CASKIN1: variants seen among roughly 807,000 people sequenced by gnomAD.
The protein encoded by CASKIN1 is CASK interacting protein 1.
In CASKIN1, 42 loss-of-function variants were observed where a neutral mutation model predicts 117.5. The ratio of observed to expected loss-of-function variants is 0.36; its 90% confidence interval spans 0.28 to 0.46. The LOEUF (loss-of-function observed/expected upper bound fraction) is 0.46. Ranked by LOEUF, CASKIN1 falls within the 20% of genes least tolerant of loss-of-function variation. The probability of loss-of-function intolerance (pLI) is 1.00; values close to 1 mark genes in which losing one functional copy is unlikely to be tolerated. For missense variants in CASKIN1, 2,083 were observed against 2,077.3 expected (o/e 1.00, Z -0.05); for synonymous variants, 1,148 against 961.7 (o/e 1.19, Z -3.59).
At chr16:2,187,099 A>C (rs773712688) in intron 8 of CASKIN1, 27 bp from the exon 9 acceptor site, 3 of 1,612,924 alleles carry the variant, frequency 1.9e-6, no homozygotes, top group Admixed American at 3.3e-5. Flanking sequence ...GGGCCCCCGA[A>C]GTCCTGCGGG....
Position 2,181,430 on chromosome 16 carries a change from G to C in CASKIN1, c.1938C>G (p.Ser646=), listed in dbSNP as rs766509114. 4.6e-5 allele frequency: 74 copies of C among 1,612,386 alleles called. 1 individual carries two copies. Among genetic ancestry groups the C allele is most frequent in the Admixed American group, 1.5e-4 (9 of 59,988 alleles). The change falls in exon 18 of 20, where the codon TCC becomes TCG. Residue 646 remains serine (S), a synonymous_variant. Transcript: ENST00000343516. ...TGTCCTGGAAGGTGGTCATTTTAGG[G>C]GACTGGCAGTCGGCCGGTGTGGGCT... ...PPEPTPADCQ[S]PKMTTFQDSE...
chr16:2,184,768 GC>G lies in CASKIN1; in HGVS notation c.1416+8del. On this transcript the variant is annotated splice_region_variant and intron_variant, in intron 14 of 19. Coordinates refer to ENST00000343516, the MANE Select transcript of CASKIN1 (RefSeq NM_020764.4). The stretch of plus-strand genomic sequence containing the variant: ...GAGCCCACGCTGAGAACACCCCCAA[GC>G]CCTGTACCTTGCCCTCCGATGCTGG... The G allele has an allele frequency of 2.0e-6, 3 of 1,510,064 alleles. No individual in the cohort carries two copies. The highest frequency in any genetic ancestry group is 2.7e-6 in the Non-Finnish European group (3 of 1,129,798). 93.5% of individuals were successfully genotyped at this position (1,510,064 alleles called of 1,614,324 possible).
rs1250478310 is a variant in CASKIN1, at chr16:2,189,315, G to T, written c.409C>A (p.His137Asn). ...TCCACCATGCACGGGTTAGACTGGT[G>T]CTGTAGCAGCATCTCAGACTGGGGG... is the stretch of plus-strand genomic sequence containing the variant. Reference protein sequence around the residue: ...HYDVSEMLLQHQSNPCMVDNS... With the variant: ...HYDVSEMLLQNQSNPCMVDNS... Residue 137 changes from histidine (H) to asparagine (N), a missense_variant, in exon 5 of 20, where the codon CAC becomes AAC. By Grantham distance (68) the His-to-Asn change is moderately conservative (BLOSUM62 1). Coordinates refer to ENST00000343516, the MANE Select transcript of CASKIN1 (RefSeq NM_020764.4). 1 of 1,613,148 alleles carries T rather than the reference G, an allele frequency of 6.2e-7. No individual in the cohort carries two copies. Among genetic ancestry groups the T allele is most frequent in the Non-Finnish European group, 8.5e-7 (1 of 1,179,902 alleles).
In CASKIN1 at chr16:2,182,251, G is replaced by A. The variant is rs1207936568; in HGVS notation, c.1630-322C>T. ...TACAGCACCATGGGGAGACACACCC[G>A]AGTCATGGACACAGACGCATGGGGC... On this transcript the variant is annotated intron_variant, in intron 16 of 19. Coordinates refer to ENST00000343516, the MANE Select transcript of CASKIN1 (RefSeq NM_020764.4). The surrounding 1 kb of genome is among the most constrained non-coding windows in gnomAD (Gnocchi z 4.1). Among the ~76,000 whole-genome samples, 4 of 151,940 alleles carry A rather than the reference G, an allele frequency of 2.6e-5. No homozygotes were observed. Among genetic ancestry groups the A allele is most frequent in the Admixed American group, 1.3e-4 (2 of 15,264 alleles).
In CASKIN1 at chr16:2,179,846, A is replaced by G. The variant is rs1379636034; in HGVS notation, c.3522T>C (p.Thr1174=). 3.6e-5 allele frequency: 57 copies of G among 1,605,552 alleles called. No homozygotes were observed. Among genetic ancestry groups the G allele is most frequent in the Non-Finnish European group, 4.7e-5 (55 of 1,177,242 alleles). ...AGGCCGGTCGGCGGCGCACGGTGCCAGTGCCATTATGGTACACGGACAGTG... is the reference window on the plus strand; with the variant it reads ...AGGCCGGTCGGCGGCGCACGGTGCCGGTGCCATTATGGTACACGGACAGTG... ...PPPLSVYHNG[T]GTVRRRPASE... Residue 1174 remains threonine (T), a synonymous_variant, in exon 18 of 20, where the codon ACT becomes ACC. Coordinates refer to ENST00000343516, the MANE Select transcript of CASKIN1 (RefSeq NM_020764.4). The surrounding 1 kb of genome is among the most constrained non-coding windows in gnomAD (Gnocchi z 5.8).
chr16:2,180,315 C>G lies in CASKIN1; in HGVS notation c.3053G>C (p.Arg1018Pro). The G allele has an allele frequency of 1.9e-6, 3 of 1,594,034 alleles. No individual in the cohort carries two copies. The highest frequency in any genetic ancestry group is 1.3e-5 in the African/African-American group (1 of 74,788). ...GCCCTCAGGAGGCCTGCGGGCAGCCCGGCCCCCACCCCCAATGGAGGACAG... is the reference window on the plus strand; with the variant it reads ...GCCCTCAGGAGGCCTGCGGGCAGCCGGGCCCCCACCCCCAATGGAGGACAG... ...LELSSIGGGGRAARRPPEGHP... is the reference protein window; with the variant it reads ...LELSSIGGGGPAARRPPEGHP... The change falls in exon 18 of 20, where the codon CGG becomes CCG. Residue 1018 changes from arginine (R) to proline (P), a missense_variant. Coordinates refer to ENST00000343516, the MANE Select transcript of CASKIN1 (RefSeq NM_020764.4).
intron 2 of CASKIN1, 53 bp from the exon 3 acceptor site, chr16:2,190,223 C>G: frequency 6.3e-7 from 1 of 1,599,906 alleles, no homozygotes; most frequent in Non-Finnish European, 8.5e-7. Context: ...CCGGCCTTCC[C>G]GGCACCCTGC....
Position 2,184,939 on chromosome 16 carries a change from C to A in CASKIN1, c.1324+12G>T. The stretch of plus-strand genomic sequence containing the variant: ...CCTCCATCGGGCTGCGTGGCAGCAC[C>A]CTTGCTCTTACCTGCAGAGCCTTCC... On this transcript the variant is annotated intron_variant, in intron 13 of 19. Coordinates refer to ENST00000343516, the MANE Select transcript of CASKIN1 (RefSeq NM_020764.4). 2 of 1,595,474 alleles carry A rather than the reference C, an allele frequency of 1.3e-6. No individual in the cohort carries two copies. The highest frequency in any genetic ancestry group is 8.6e-7 in the Non-Finnish European group (1 of 1,167,574).
rs1596688965 is a variant in CASKIN1 at position 2,184,403 on chromosome 16, C to T, written c.1416+374G>A. Among the ~76,000 whole-genome samples, 6 of 152,260 alleles carry T rather than the reference C, an allele frequency of 3.9e-5. No homozygotes were observed. The South Asian group carries it at 1.2e-3, about 32-fold the overall frequency. ...CGTGCAGGACTCAGCCAGCAGCTTA[C>T]AGCTCTCCGGCACACGAGTGCACTC... is the stretch of plus-strand genomic sequence containing the variant. On this transcript the variant is annotated intron_variant, in intron 14 of 19. Transcript: ENST00000343516.
At chr16:2,181,968 T>C (rs750978238) in intron 16 of CASKIN1, 39 bp from the exon 17 acceptor site, 1 of 1,607,910 alleles carries the variant, frequency 6.2e-7, no homozygotes, top group East Asian at 2.2e-5. Context: ...CTGGGCTGGC[T>C]GCCCGCACCC....
At chr16:2,191,411 A>G (rs2093201300) in intron 1 of CASKIN1, among the ~76,000 whole-genome samples, 1 of 152,142 alleles carries the variant, frequency 6.6e-6, no homozygotes, top group Non-Finnish European at 1.5e-5. Flanking sequence ...GACTGCTGTG[A>G]ATTCGAATCT....
At chr16:2,184,918 C>T (rs568595093) in intron 13 of CASKIN1, 33 bp downstream of exon 13, 4 of 1,581,684 alleles carry the variant, frequency 2.5e-6, no homozygotes, top group African/African-American at 1.3e-5. Context: ...TGCTTTCCTC[C>T]ATCGGGCTGC....
intron 1 of CASKIN1, among the ~76,000 whole-genome samples, chr16:2,194,459 C>T (rs2093210071): frequency 1.3e-5 from 2 of 152,124 alleles, no homozygotes; most frequent in Admixed American, 6.5e-5. Context: ...AGGGAAGGGA[C>T]TGGGCAACCA....
intron 1 of CASKIN1, among the ~76,000 whole-genome samples, chr16:2,192,813 G>A (rs368857107): frequency 3.3e-5 from 5 of 152,146 alleles, no homozygotes; most frequent in African/African-American, 7.2e-5. Flanking sequence ...GACAAGGGCC[G>A]TCATCTGTTC....
intron 6 of CASKIN1, among the ~76,000 whole-genome samples, chr16:2,188,047 CTTT>C (rs34355622): frequency 2.9e-5 from 4 of 135,900 alleles, no homozygotes; most frequent in African/African-American, 2.8e-5. Flanking sequence ...CCATTCCCAG[CTTT>C]TTTTTTTTTT....
chr16:2,194,983 G>T (rs763566068), intron 1 of CASKIN1, among the ~76,000 whole-genome samples: 2 of 152,206 alleles, frequency 1.3e-5, no homozygotes, highest in Non-Finnish European at 1.5e-5. Context: ...TCCTACAGAC[G>T]AGGAGACTGA....
chr16:2,178,930 T>A lies in CASKIN1; in HGVS notation c.4171A>T (p.Ile1391Phe). ...AAALQAVEEK[I>F]RQEDAQGPRD... ...GGGCCCTGCGCGTCCTCCTGCCGGA[T>A]CTTCTCCTCCACCGCCTGCAGCGCC... Residue 1391 changes from isoleucine to phenylalanine, a missense_variant, in exon 19 of 20, where the codon ATC (isoleucine) becomes TTC (phenylalanine). By Grantham distance (21) the Ile-to-Phe change is conservative. Coordinates refer to ENST00000343516, the MANE Select transcript of CASKIN1 (RefSeq NM_020764.4). 1 of 1,493,444 alleles carries A rather than the reference T, an allele frequency of 6.7e-7. No homozygotes were observed. Among genetic ancestry groups the A allele is most frequent in the South Asian group, 1.3e-5 (1 of 79,040 alleles). The allele number at this position is 1,493,444 out of a possible 1,614,324, so 92.5% of individuals were successfully genotyped here.
rs2093186979 is a variant in CASKIN1, at chr16:2,187,032, A to G, written c.876T>C (p.Tyr292=). The G allele has an allele frequency of 1.9e-6, 3 of 1,613,674 alleles. No homozygotes were observed. The South Asian group carries it at 3.3e-5, about 18-fold the overall frequency. The change falls in exon 9 of 20, where the codon TAT becomes TAC. Residue 292 remains tyrosine (Y), a synonymous_variant. Coordinates refer to ENST00000343516, the MANE Select transcript of CASKIN1 (RefSeq NM_020764.4). ...AALQVRATKD[Y]CNNYDLTSLN... is the part of the protein sequence containing the mutation. ...GGCTGGTCAGGTCGTAATTGTTGCAATAATCCTTGGTCGCCCGGACCTGCA... is the reference window on the plus strand; with the variant it reads ...GGCTGGTCAGGTCGTAATTGTTGCAGTAATCCTTGGTCGCCCGGACCTGCA...
chr16:2,183,983 C>T, intron 14 of CASKIN1, 42 bp from the exon 15 acceptor site: 1 of 1,358,244 alleles, frequency 7.4e-7, no homozygotes, highest in Non-Finnish European at 1.0e-6. Context: ...GCCTGCCCGG[C>T]CGCGCCCTGC....
Sources: gnomAD v4.1 joint callset for allele counts (sites outside exome capture counted in the v4.1 genomes callset) on GRCh38, gnomAD v4.1.1 for gene constraint, Gnocchi (gnomAD v3.1) non-coding constraint, MANE v1.5 for transcripts, NCBI Gene and HGNC (gene_info 2026-07-23, HGNC 2026-07-21) for gene names.